OLFML1: variants seen among roughly 807,000 people sequenced by gnomAD.
The protein encoded by OLFML1 is olfactomedin-like protein 1.
OLFML1 carries 33 observed loss-of-function variants against 37.3 expected under a neutral mutation model. The ratio of observed to expected loss-of-function variants is 0.88; its 90% confidence interval spans 0.67 to 1.18. The LOEUF (loss-of-function observed/expected upper bound fraction) is 1.18, where lower values mean the gene tolerates loss of function less well. Among genes scored for constraint, OLFML1 ranks in the 50% most tolerant of loss-of-function variants. The pLI is 0.00. For synonymous variants in OLFML1, 186 were observed against 181.3 expected (o/e 1.03, Z -0.21); for missense variants, 545 against 483.7 (o/e 1.13, Z -1.19).
intron 2 of OLFML1, among the ~76,000 whole-genome samples, chr11:7,506,955 T>C (rs910899031): frequency 3.3e-5 from 5 of 152,118 alleles, no homozygotes; most frequent in African/African-American, 1.2e-4. Flanking sequence ...GGAATAGTTG[T>C]GGGGAATGGG....
chr11:7,504,104 G>C (rs566793337), intron 2 of OLFML1, among the ~76,000 whole-genome samples: 1 of 152,198 alleles, frequency 6.6e-6, no homozygotes, highest in South Asian at 2.1e-4. Flanking sequence ...TGGAGAAGAG[G>C]GTTGCCTTTT....
chr11:7,494,629 G>C (rs1334915993), intron 2 of OLFML1, among the ~76,000 whole-genome samples: 2 of 152,222 alleles, frequency 1.3e-5, no homozygotes, highest in African/African-American at 4.8e-5. Flanking sequence ...AAGCATGGGA[G>C]TGTCGGGGCT....
intron 2 of OLFML1, chr11:7,488,815 C>A (rs1446527621): frequency 1.2e-5 from 2 of 163,440 alleles, no homozygotes; most frequent in African/African-American, 4.8e-5. Context: ...AAGAAACAGT[C>A]TTAAATTGGA....
Position 7,488,230 on chromosome 11 carries a change from C to G in OLFML1, c.233C>G (p.Thr78Arg). Reference sequence around the variant, plus strand: ...ATGCTGGGAAGATGTCAGACCTACACAAGTGAGTACAAGAGTGCAGTGGGT... The same window carrying G: ...ATGCTGGGAAGATGTCAGACCTACAGAAGTGAGTACAAGAGTGCAGTGGGT... ...SVMLGRCQTYTSEYKSAVGNL... is the reference protein window; with the variant it reads ...SVMLGRCQTYRSEYKSAVGNL... Residue 78 changes from threonine to arginine, a missense_variant, in exon 2 of 3, where the codon ACA (threonine) becomes AGA (arginine). Physicochemically the swap from Thr to Arg is moderately conservative, Grantham distance 71. Transcript: ENST00000329293. The G allele has an allele frequency of 1.2e-6, 2 of 1,613,978 alleles. No individual in the cohort carries two copies. The highest frequency in any genetic ancestry group is 1.7e-6 in the Non-Finnish European group (2 of 1,179,962).
intron 2 of OLFML1, among the ~76,000 whole-genome samples, chr11:7,501,372 C>T (rs1275223794): frequency 3.3e-5 from 5 of 152,174 alleles, no homozygotes; most frequent in Admixed American, 1.3e-4. Flanking sequence ...CCAGGGCTTT[C>T]GCTTCCTATA....
intron 2 of OLFML1, among the ~76,000 whole-genome samples, chr11:7,500,173 A>G (rs748613811): frequency 2.4e-4 from 36 of 152,244 alleles, no homozygotes; most frequent in Non-Finnish European, 4.9e-4. Flanking sequence ...GATTACAGGC[A>G]TGAGCCGCTG....
chr11:7,497,800 A>G (rs78800011), intron 2 of OLFML1, among the ~76,000 whole-genome samples: 3,623 of 152,318 alleles, frequency 0.024, 127 homozygotes, highest in African/African-American at 0.081. Context: ...GATTATGTGT[A>G]ATTCACTAAA....
Position 7,485,644 on chromosome 11 carries a change from T to C in OLFML1, c.-232T>C. 1 of 526,232 alleles carries C rather than the reference T, an allele frequency of 1.9e-6. No homozygotes were observed. Among genetic ancestry groups the C allele is most frequent in the East Asian group, 3.2e-5 (1 of 31,344 alleles). The allele number at this position is 526,232 out of a possible 1,614,324, so 32.6% of individuals were successfully genotyped here. On this transcript the variant is annotated 5_prime_UTR_variant, in exon 1 of 3. Coordinates refer to ENST00000329293, the MANE Select transcript of OLFML1 (RefSeq NM_198474.4). Reference sequence around the variant, plus strand: ...GGGAGCTCTCTGCCACAGGTCAGTCTACAAGGCCTCAGGGACCAACTTGCC... The same window carrying C: ...GGGAGCTCTCTGCCACAGGTCAGTCCACAAGGCCTCAGGGACCAACTTGCC...
In OLFML1 at chr11:7,511,364, C is replaced by A. The variant is rs1590065837; in HGVS notation, c.*1176C>A. 6.6e-6 allele frequency: 1 copy of A among 152,234 alleles called. No individual in the cohort carries two copies. The highest frequency in any genetic ancestry group is 1.5e-5 in the Non-Finnish European group (1 of 68,052). 9.4% of individuals were successfully genotyped at this position (152,234 alleles called of 1,614,324 possible). On this transcript the variant is annotated 3_prime_UTR_variant, in exon 3 of 3. Coordinates refer to ENST00000329293, the MANE Select transcript of OLFML1 (RefSeq NM_198474.4). ...TCATCAGGTTATATTTGCCCACATA[C>A]CCTAAGCACAAAAGCTTTCTGGGAG...
At position 7,496,102 on chromosome 11, in the gene OLFML1, G is replaced by A. The variant is rs182986060; in HGVS notation, c.418+7687G>A. ...CTTGTGCACCTGCAGTCAGTGGCAC[G>A]TTGCCTAGGAACAGCTGGGTGAGGA... On this transcript the variant is annotated intron_variant, in intron 2 of 2. Coordinates refer to ENST00000329293, the MANE Select transcript of OLFML1 (RefSeq NM_198474.4). Among the ~76,000 whole-genome samples the A allele has an allele frequency of 1.5e-3, 235 of 152,330 alleles. 1 individual carries two copies. The highest frequency in any genetic ancestry group is 2.4e-3 in the Non-Finnish European group (160 of 68,018).
At position 7,509,920 on chromosome 11, in the gene OLFML1, G is replaced by T. The variant is rs143838714; in HGVS notation, c.941G>T (p.Ser314Ile). 6.2e-7 allele frequency: 1 copy of T among 1,614,128 alleles called. No individual in the cohort carries two copies. The highest frequency in any genetic ancestry group is 1.3e-5 in the African/African-American group (1 of 74,944). ...VEHSWDTPCR[S>I]QDAEASFLLC... ...CATTCATGGGATACCCCATGCAGAA[G>T]CCAGGATGCTGAAGCCTCATTCCTC... Residue 314 changes from serine to isoleucine, a missense_variant, in exon 3 of 3, where the codon AGC (serine) becomes ATC (isoleucine). By Grantham distance (142) the Ser-to-Ile change is moderately radical. Coordinates refer to ENST00000329293, the MANE Select transcript of OLFML1 (RefSeq NM_198474.4).
intron 2 of OLFML1, among the ~76,000 whole-genome samples, chr11:7,489,444 G>A (rs1231626994): frequency 6.6e-6 from 1 of 151,980 alleles, no homozygotes; most frequent in Non-Finnish European, 1.5e-5. Flanking sequence ...TTAGAGAGGT[G>A]ACAGTAGGGA....
intron 2 of OLFML1, 73 bp downstream of exon 2, chr11:7,488,488 C>A: frequency 8.3e-7 from 1 of 1,205,254 alleles, no homozygotes. Flanking sequence ...TCAGAGCAGT[C>A]AGGGAGCATC....
At chr11:7,494,453 T>G (rs1238396354) in intron 2 of OLFML1, among the ~76,000 whole-genome samples, 3 of 152,254 alleles carry the variant, frequency 2.0e-5, no homozygotes, top group Non-Finnish European at 2.9e-5. Flanking sequence ...AGATAGGTAC[T>G]GTATATTATC....
At position 7,494,233 on chromosome 11, in the gene OLFML1, G is replaced by C. The variant is rs894152244; in HGVS notation, c.418+5818G>C. Among the ~76,000 whole-genome samples, 31 of 152,252 alleles carry C rather than the reference G, an allele frequency of 2.0e-4. 1 individual carries two copies. The highest frequency in any genetic ancestry group is 1.0e-4 in the Non-Finnish European group (7 of 68,046). ...GTTGTTCAATGGAGCTCAGGTGAAG[G>C]AGGAAGTTGTAGAGAGGTGATGAAA... On this transcript the variant is annotated intron_variant, in intron 2 of 2. Coordinates refer to ENST00000329293, the MANE Select transcript of OLFML1 (RefSeq NM_198474.4).
intron 1 of OLFML1, 92 bp downstream of exon 1, chr11:7,486,096 T>C: frequency 2.4e-6 from 3 of 1,275,726 alleles, no homozygotes; most frequent in Non-Finnish European, 3.3e-6. Context: ...GGTTGTATTT[T>C]TCCCAGATAG....
intron 2 of OLFML1, among the ~76,000 whole-genome samples, chr11:7,499,371 C>A (rs1200804444): frequency 6.6e-6 from 1 of 152,218 alleles, no homozygotes; most frequent in African/African-American, 2.4e-5. Flanking sequence ...CCTTCCTCAA[C>A]CTTTTCTTCC....
chr11:7,490,132 T>TCG (rs779756044), intron 2 of OLFML1, among the ~76,000 whole-genome samples: 1 of 37,978 alleles, frequency 2.6e-5, no homozygotes, highest in African/African-American at 8.5e-5. Flanking sequence ...TAGGCTTTGG[T>TCG]GGGGGGGGGG....
At position 7,497,308 on chromosome 11, in the gene OLFML1, T is replaced by G. The variant is rs115541659; in HGVS notation, c.418+8893T>G. On this transcript the variant is annotated intron_variant, in intron 2 of 2. Coordinates refer to ENST00000329293, the MANE Select transcript of OLFML1 (RefSeq NM_198474.4). ...AAAAAAACAGATAAGACAAAGCCCC[T>G]GCTTTTATTTTTCTTTCATTTTTTA... is the stretch of plus-strand genomic sequence containing the variant. 2.0e-3 allele frequency among the ~76,000 whole-genome samples: 300 copies of G among 152,310 alleles called. 2 individuals carry two copies. Among genetic ancestry groups the G allele is most frequent in the African/African-American group, 6.9e-3 (287 of 41,572 alleles).
Sources: allele counts gnomAD v4.1 joint callset (sites outside exome capture counted in the v4.1 genomes callset), GRCh38; gene constraint gnomAD v4.1.1; transcripts MANE v1.5; gene names NCBI Gene and HGNC (gene_info 2026-07-23, HGNC 2026-07-21).